CDHR1: variants seen among roughly 807,000 people sequenced by gnomAD.
The protein encoded by CDHR1 is cadherin related family member 1, also known as cadherin-related family member 1.
Under a neutral mutation model 72.1 loss-of-function variants are expected in CDHR1, and 61 were observed. The observed-to-expected ratio is 0.85, with a 90% CI of 0.69 to 1.05. CDHR1 has a LOEUF of 1.05. Ranked by LOEUF, CDHR1 falls within the 50% of genes least tolerant of loss-of-function variation. The pLI is 0.00. For synonymous variants in CDHR1, 470 were observed against 448.1 expected, an observed-to-expected ratio of 1.05 and a Z score of -0.62; for missense variants, 1,186 against 1,115.7, an observed-to-expected ratio of 1.06 and a Z score of -0.90.
intron 8 of CDHR1, among the ~76,000 whole-genome samples, chr10:84,203,980 G>T (rs768325621): frequency 2.8e-4 from 42 of 151,782 alleles, no homozygotes; most frequent in Admixed American, 7.9e-4. Context: ...GGCTTGTGTA[G>T]GGGGGCTTAA....
rs768644917 is a variant in CDHR1, at chr10:84,214,481, G to A, written c.2440G>A (p.Val814Ile). Reference sequence around the variant, plus strand: ...CGCAGCCCAGTGGACCGTGCCTACTGTCTCTGGCTCTCTCACTCCGCAGCC... The same window carrying A: ...CGCAGCCCAGTGGACCGTGCCTACTATCTCTGGCTCTCTCACTCCGCAGCC... The part of the protein sequence containing the change: ...TGAAQWTVPT[V>I]SGSLTPQPTQ... Residue 814 changes from valine (V) to isoleucine (I), a missense_variant, in exon 17 of 17, where the codon GTC becomes ATC. Physicochemically the swap from Val to Ile is conservative, Grantham distance 29. Coordinates refer to ENST00000623527, the MANE Select transcript of CDHR1 (RefSeq NM_033100.4). The A allele has an allele frequency of 1.2e-6, 2 of 1,608,370 alleles. No individual in the cohort carries two copies. Among genetic ancestry groups the A allele is most frequent in the African/African-American group, 1.3e-5 (1 of 74,888 alleles).
chr10:84,199,281 A>G (rs543659411), intron 5 of CDHR1, among the ~76,000 whole-genome samples, 160 bp downstream of exon 5: 1 of 152,324 alleles, frequency 6.6e-6, no homozygotes, highest in African/African-American at 2.4e-5. Flanking sequence ...AGGAATGTTC[A>G]TTTGCTTTTT....
chr10:84,204,432 G>A, intron 8 of CDHR1, 95 bp from the exon 9 acceptor site: 1 of 885,356 alleles, frequency 1.1e-6, no homozygotes. Flanking sequence ...TTCCTAGGTG[G>A]GGGTAGCACC....
At position 84,200,664 on chromosome 10, in the gene CDHR1, G is replaced by A. The variant is rs1842108013; in HGVS notation, c.502G>A (p.Gly168Arg). The A allele has an allele frequency of 6.2e-7, 1 of 1,611,550 alleles. No individual in the cohort carries two copies. Residue 168 changes from glycine (G) to arginine (R), a missense_variant, in exon 6 of 17, where the codon GGG (glycine) becomes AGG (arginine). Coordinates refer to ENST00000623527, the MANE Select transcript of CDHR1 (RefSeq NM_033100.4). ...AGTGGACAGGGACACAGGCTCTGGA[G>A]GGAGTGTCACCTACTTCCTGCAGGT... ...HAVDRDTGSG[G>R]SVTYFLQNLH...
chr10:84,194,649 A>G lies in CDHR1; in HGVS notation c.-112A>G, dbSNP rs1201829477. 3.2e-5 allele frequency: 20 copies of G among 626,984 alleles called. 2 individuals are homozygous for G. 38.8% of individuals were successfully genotyped at this position (626,984 alleles called of 1,614,324 possible). Reference sequence around the variant, plus strand: ...CCGTGCCCCCTCCCGCCGCGGCTGCAGTCGCCGCTACCCCCATTGTGGTCT... The same window carrying G: ...CCGTGCCCCCTCCCGCCGCGGCTGCGGTCGCCGCTACCCCCATTGTGGTCT... On this transcript the variant is annotated 5_prime_UTR_variant, in exon 1 of 17. Coordinates refer to ENST00000623527, the MANE Select transcript of CDHR1 (RefSeq NM_033100.4).
At chr10:84,205,145 C>A (rs565609599) in intron 9 of CDHR1, among the ~76,000 whole-genome samples, 24 of 152,290 alleles carry the variant, frequency 1.6e-4, no homozygotes, top group African/African-American at 5.1e-4. Context: ...CACAGCTGGG[C>A]AGCAACTGAG....
At chr10:84,213,448 C>A in intron 16 of CDHR1, 100 bp downstream of exon 16, 1 of 1,496,258 alleles carries the variant, frequency 6.7e-7, no homozygotes, top group Non-Finnish European at 9.3e-7. Context: ...AGGCTTCCTC[C>A]AAAAGACACT....
chr10:84,211,019 A>G lies in CDHR1; in HGVS notation c.1339A>G (p.Asn447Asp). ...LTFKLLAVEVNTPEKFSSTAD... is the reference protein window; with the variant it reads ...LTFKLLAVEVDTPEKFSSTAD... ...TTCCCAGCTCCTGGCTGTTGAAGTG[A>G]ACACCCCAGAGAAGTTCAGTTCCAC... The change falls in exon 13 of 17, where the codon AAC (asparagine) becomes GAC (aspartate). Residue 447 changes from asparagine (N) to aspartate (D), a missense_variant. By Grantham distance (23) the Asn-to-Asp change is conservative. Coordinates refer to ENST00000623527, the MANE Select transcript of CDHR1 (RefSeq NM_033100.4). 1 of 1,614,176 alleles carries G rather than the reference A, an allele frequency of 6.2e-7. No individual in the cohort carries two copies. Among genetic ancestry groups the G allele is most frequent in the Non-Finnish European group, 8.5e-7 (1 of 1,180,018 alleles).
intron 2 of CDHR1, 98 bp downstream of exon 2, chr10:84,195,687 G>GCGCC (rs1842018030): frequency 2.1e-6 from 2 of 957,824 alleles, no homozygotes; most frequent in Admixed American, 3.9e-5. Flanking sequence ...GTTGCTGCGC[G>GCGCC]CGCCCGGGGG....
chr10:84,197,756 G>C, intron 3 of CDHR1, 30 bp from the exon 4 acceptor site: 2 of 1,608,756 alleles, frequency 1.2e-6, no homozygotes, highest in Non-Finnish European at 1.7e-6. Flanking sequence ...TCAGACTCCT[G>C]GACACTCACT....
chr10:84,194,540 A>C lies in CDHR1; in HGVS notation c.-221A>C. On this transcript the variant is annotated 5_prime_UTR_variant, in exon 1 of 17. Transcript: ENST00000623527. Reference sequence around the variant, plus strand: ...GCCTGTCGCTCCGCTCTGCGCCGCTAATTGGTCTCGTCAGGCGGCCGGCAG... The same window carrying C: ...GCCTGTCGCTCCGCTCTGCGCCGCTCATTGGTCTCGTCAGGCGGCCGGCAG... 2.3e-6 allele frequency: 1 copy of C among 439,772 alleles called. No homozygotes were observed. The highest frequency in any genetic ancestry group is 4.0e-6 in the Non-Finnish European group (1 of 251,786). 27.2% of individuals were successfully genotyped at this position (439,772 alleles called of 1,614,324 possible). A position where few individuals can be genotyped will look rare whatever the true frequency, so the allele number is the denominator to read the frequency against.
At chr10:84,204,198 T>C (rs1414880917) in intron 8 of CDHR1, among the ~76,000 whole-genome samples, 3 of 152,028 alleles carry the variant, frequency 2.0e-5, no homozygotes, top group Non-Finnish European at 4.4e-5. Flanking sequence ...AAAGTAAGGC[T>C]AGAGGTTAGG....
intron 10 of CDHR1, among the ~76,000 whole-genome samples, chr10:84,206,885 G>A (rs932337767): frequency 6.6e-6 from 1 of 152,356 alleles, no homozygotes; most frequent in South Asian, 2.1e-4. Context: ...GGGGCTGAGG[G>A]TAGGTGGGAT....
intron 12 of CDHR1, among the ~76,000 whole-genome samples, chr10:84,210,206 C>A (rs780931494): frequency 6.6e-6 from 1 of 151,758 alleles, no homozygotes; most frequent in African/African-American, 2.4e-5. Flanking sequence ...GAAATAGAGC[C>A]AAGACTCGTT....
rs1842383156 is a variant in CDHR1 at position 84,214,031 on chromosome 10, C to G, written c.2041-51C>G. The G allele has an allele frequency of 3.1e-6, 5 of 1,613,092 alleles. No homozygotes were observed. In the East Asian group the frequency reaches 8.9e-5, roughly 29 times the overall value. On this transcript the variant is annotated intron_variant, in intron 16 of 16. Coordinates refer to ENST00000623527, the MANE Select transcript of CDHR1 (RefSeq NM_033100.4). ...AGGAAGCACATACCTACTCTGTACT[C>G]CAGGGACCAGGTGGGAACAGCTGAG...
downstream of CDHR1, chr10:84,219,160 A>C (rs931034159): frequency 5.2e-6 from 8 of 1,549,954 alleles, no homozygotes; most frequent in Admixed American, 1.4e-4. Flanking sequence ...TAAGCCCAAG[A>C]AACCACATTC....
intron 10 of CDHR1, among the ~76,000 whole-genome samples, chr10:84,206,754 C>A (rs112842046): frequency 7.2e-4 from 109 of 152,274 alleles, no homozygotes; most frequent in African/African-American, 2.5e-3. Flanking sequence ...ATTATAAGCA[C>A]CCAGGTAATT....
rs1180178709 is a variant in CDHR1 at position 84,199,185 on chromosome 10, T to C, written c.438+64T>C. 2.4e-5 allele frequency: 33 copies of C among 1,382,074 alleles called. 1 individual carries two copies. In the East Asian group the frequency reaches 6.5e-4, roughly 27 times the overall value. The allele number at this position is 1,382,074 out of a possible 1,614,324, so 85.6% of individuals were successfully genotyped here. A position where few individuals can be genotyped will look rare whatever the true frequency, so the allele number is the denominator to read the frequency against. ...CAGGCCCATAGCCTACCCCTGGGGCTGCCCTGTGGCCTGGCCATGGCTCAC... is the reference window on the plus strand; with the variant it reads ...CAGGCCCATAGCCTACCCCTGGGGCCGCCCTGTGGCCTGGCCATGGCTCAC... On this transcript the variant is annotated intron_variant, in intron 5 of 16. Transcript: ENST00000623527.
chr10:84,211,813 G>C, intron 14 of CDHR1, 98 bp downstream of exon 14: 1 of 1,047,630 alleles, frequency 9.5e-7, no homozygotes, highest in East Asian at 2.4e-5. Context: ...GGCCTGGGAG[G>C]GACAGGAGCC....
Sources: gnomAD v4.1 joint callset for allele counts (sites outside exome capture counted in the v4.1 genomes callset) on GRCh38, gnomAD v4.1.1 for gene constraint, MANE v1.5 for transcripts, NCBI Gene and HGNC (gene_info 2026-07-23, HGNC 2026-07-21) for gene names.